The following PCDH15 variants were observed in gnomAD, a reference collection of about 807,000 sequenced individuals.
PCDH15 encodes protocadherin-15.
PCDH15 carries 129 observed loss-of-function variants against 178.5 expected under a neutral mutation model. That is an observed-to-expected ratio of 0.72 (90% CI 0.63 to 0.84). The LOEUF (loss-of-function observed/expected upper bound fraction) is 0.84, where lower values mean the gene tolerates loss of function less well. PCDH15 is among the 40% of genes least tolerant of loss of function. The probability of loss-of-function intolerance (pLI) is 0.00; values close to 1 mark genes in which losing one functional copy is unlikely to be tolerated. For missense variants in PCDH15, 2,230 were observed against 2,099.9 expected (o/e 1.06, Z -1.21); for synonymous variants, 800 against 732.0 (o/e 1.09, Z -1.50).
chr10:54,512,262 A>G lies in PCDH15; in HGVS notation c.157+15550T>C, dbSNP rs2081754341. 2.0e-5 allele frequency among the ~76,000 whole-genome samples: 3 copies of G among 152,006 alleles called. No individual in the cohort carries two copies. In the South Asian group the frequency reaches 6.2e-4, roughly 31 times the overall value. On this transcript the variant is annotated intron_variant, in intron 3 of 37. Coordinates refer to ENST00000644397, the MANE Select transcript of PCDH15 (RefSeq NM_001384140.1). ...TAAAAGTACAGAGTATTCTTTCTTCACTAGTGTAGATGCAGGTATGGTTTC... is the reference window on the plus strand; with the variant it reads ...TAAAAGTACAGAGTATTCTTTCTTCGCTAGTGTAGATGCAGGTATGGTTTC...
chr10:55,126,925 A>C (rs1837915389), intron 2 of PCDH15, among the ~76,000 whole-genome samples: 1 of 151,674 alleles, frequency 6.6e-6, no homozygotes, highest in African/African-American at 2.4e-5. Flanking sequence ...AAAATGTTTT[A>C]TTTCTAGTTG....
At chr10:55,622,080 A>G (rs1837406748) in intron 2 of PCDH15, among the ~76,000 whole-genome samples, 1 of 121,478 alleles carries the variant, frequency 8.2e-6, no homozygotes, top group Non-Finnish European at 1.7e-5. Flanking sequence ...TATAATATAT[A>G]TAAATTATAT....
At chr10:54,063,777 C>T (rs993011835) in intron 18 of PCDH15, among the ~76,000 whole-genome samples, 27 of 152,158 alleles carry the variant, frequency 1.8e-4, no homozygotes, top group Admixed American at 8.5e-4. Context: ...TGTGCATAGC[C>T]ACGCACGCTA....
At chr10:54,595,149 G>T (rs2092152941) in intron 2 of PCDH15, among the ~76,000 whole-genome samples, 1 of 152,284 alleles carries the variant, frequency 6.6e-6, no homozygotes, top group South Asian at 2.1e-4. Flanking sequence ...ATGCAAATGT[G>T]GACACATCCC....
chr10:53,955,400 A>G (rs2087515234), intron 23 of PCDH15, among the ~76,000 whole-genome samples: 2 of 152,220 alleles, frequency 1.3e-5, no homozygotes, highest in African/African-American at 4.8e-5. Flanking sequence ...TAATAGAAAT[A>G]AGTCAACGGA....
intron 1 of PCDH15, among the ~76,000 whole-genome samples, chr10:54,777,755 T>C (rs947933540): frequency 3.3e-5 from 5 of 152,114 alleles, no homozygotes; most frequent in African/African-American, 1.2e-4. Context: ...ATTTGAAGAA[T>C]AATTGAAAAG....
intron 15 of PCDH15, among the ~76,000 whole-genome samples, chr10:54,117,670 G>GTGTA: frequency 6.6e-6 from 1 of 152,140 alleles, no homozygotes. Context: ...GACCCAAAGT[G>GTGTA]TGTAGCTCCT....
intron 2 of PCDH15, among the ~76,000 whole-genome samples, chr10:55,358,477 C>T (rs1373906059): frequency 6.6e-6 from 1 of 152,018 alleles, no homozygotes; most frequent in Non-Finnish European, 1.5e-5. Flanking sequence ...GATGGTATTA[C>T]ACTCACAATA....
intron 2 of PCDH15, among the ~76,000 whole-genome samples, chr10:55,499,014 G>A (rs1840595498): frequency 6.6e-6 from 1 of 151,826 alleles, no homozygotes; most frequent in South Asian, 2.1e-4. Flanking sequence ...AGACATTGAG[G>A]GCTTTGGTCA....
chr10:55,603,269 T>C (rs1314951277), intron 2 of PCDH15, among the ~76,000 whole-genome samples: 1 of 151,196 alleles, frequency 6.6e-6, no homozygotes, highest in Non-Finnish European at 1.5e-5. Flanking sequence ...TACGTCTGAT[T>C]GGTGTACCTG....
At chr10:54,436,265 T>C (rs1217311591) in intron 3 of PCDH15, among the ~76,000 whole-genome samples, 1 of 144,186 alleles carries the variant, frequency 6.9e-6, no homozygotes. Flanking sequence ...TAATGGGTTT[T>C]TTTTTGTTTG....
At chr10:55,566,742 T>G (rs140394077) in intron 2 of PCDH15, among the ~76,000 whole-genome samples, 1 of 151,840 alleles carries the variant, frequency 6.6e-6, no homozygotes, top group Non-Finnish European at 1.5e-5. Flanking sequence ...AAGACCTGTC[T>G]TATAAAAGCT....
intron 2 of PCDH15, among the ~76,000 whole-genome samples, chr10:55,611,229 T>C (rs1214642899): frequency 6.6e-6 from 1 of 151,996 alleles, no homozygotes; most frequent in African/African-American, 2.4e-5. Flanking sequence ...GAGTGACAAC[T>C]CACAGAATGA....
chr10:54,881,162 T>G (rs923932440), intron 3 of PCDH15, among the ~76,000 whole-genome samples: 1 of 152,028 alleles, frequency 6.6e-6, no homozygotes, highest in East Asian at 1.9e-4. Flanking sequence ...TTTGATACTT[T>G]TGGTTTTTCT....
intron 8 of PCDH15, among the ~76,000 whole-genome samples, chr10:54,271,697 A>T (rs1275987650): frequency 2.0e-5 from 3 of 152,190 alleles, no homozygotes; most frequent in African/African-American, 7.2e-5. Flanking sequence ...ACAGATGAAT[A>T]AAGTGTAATA....
intron 2 of PCDH15, among the ~76,000 whole-genome samples, chr10:55,014,167 C>T (rs916034995): frequency 1.6e-4 from 24 of 151,924 alleles, no homozygotes; most frequent in Non-Finnish European, 2.4e-4. Flanking sequence ...CTGGATAATA[C>T]TAACACTCTC....
chr10:54,806,291 A>T (rs1952776536), upstream of PCDH15, among the ~76,000 whole-genome samples: 1 of 152,114 alleles, frequency 6.6e-6, no homozygotes, highest in Non-Finnish European at 1.5e-5. Context: ...AAATTATCCC[A>T]ATTTTAGTAG....
At chr10:54,619,399 T>C (rs1263735962) in intron 2 of PCDH15, 1 of 152,034 alleles carries the variant, frequency 6.6e-6, no homozygotes, top group African/African-American at 2.4e-5. Context: ...GAAACAGGTA[T>C]GGTTTCATAA....
intron 2 of PCDH15, among the ~76,000 whole-genome samples, chr10:55,365,929 C>A (rs1418015159): frequency 2.0e-5 from 3 of 152,016 alleles, no homozygotes; most frequent in African/African-American, 7.2e-5. Flanking sequence ...CCTTTCCACT[C>A]CTTAGATTAG....
Sources: gnomAD v4.1 joint callset for allele counts (sites outside exome capture counted in the v4.1 genomes callset) on GRCh38, gnomAD v4.1.1 for gene constraint, MANE v1.5 for transcripts, NCBI Gene and HGNC (gene_info 2026-07-23, HGNC 2026-07-21) for gene names.